Variants in PLEKHA7 observed in about 807,000 individuals in gnomAD.
PLEKHA7 encodes pleckstrin homology domain-containing family A member 7.
A neutral mutation model predicts 170.0 loss-of-function variants in PLEKHA7; 104 were observed. That is an observed-to-expected ratio of 0.61 (90% CI 0.52 to 0.72). PLEKHA7 has a LOEUF of 0.72. PLEKHA7 is among the 30% of genes least tolerant of loss of function. The pLI is 0.00. For missense variants in PLEKHA7, 1,615 were observed against 1,671.7 expected (o/e 0.97, Z 0.59); for synonymous variants, 648 against 660.8 (o/e 0.98, Z 0.30).
At chr11:16,901,354 A>C (rs1227346524) in intron 3 of PLEKHA7, among the ~76,000 whole-genome samples, 2 of 152,244 alleles carry the variant, frequency 1.3e-5, no homozygotes, top group African/African-American at 4.8e-5. Flanking sequence ...GTGCTAAATT[A>C]AATCCATTTT....
At chr11:16,913,339 C>T (rs374686271) in intron 3 of PLEKHA7, among the ~76,000 whole-genome samples, 4 of 152,266 alleles carry the variant, frequency 2.6e-5, no homozygotes, top group Non-Finnish European at 4.4e-5. Flanking sequence ...CTGCAGAGGG[C>T]GCGGGAGATG....
At chr11:16,988,744 C>T (rs1863876933) in intron 3 of PLEKHA7, among the ~76,000 whole-genome samples, 1 of 152,246 alleles carries the variant, frequency 6.6e-6, no homozygotes, top group Admixed American at 6.5e-5. Flanking sequence ...CCGCATCCAG[C>T]CCATCCCATG....
chr11:16,972,956 G>C (rs370870708), intron 3 of PLEKHA7, among the ~76,000 whole-genome samples: 12 of 152,198 alleles, frequency 7.9e-5, no homozygotes, highest in African/African-American at 2.2e-4. Context: ...GGCCTAGATG[G>C]TTTTATAGAA....
intron 23 of PLEKHA7, chr11:16,787,057 G>C (rs1849449119): frequency 1.0e-6 from 1 of 985,204 alleles, no homozygotes; most frequent in South Asian, 4.7e-5. Context: ...TGTTTCTAAG[G>C]CTGTTTCACA....
chr11:16,885,344 A>C (rs79297882), intron 3 of PLEKHA7, among the ~76,000 whole-genome samples: 3,850 of 151,670 alleles, frequency 0.025, 72 homozygotes, highest in African/African-American at 0.056. Context: ...AAAAAAAAAA[A>C]ATTCATATGT....
At chr11:16,928,934 A>G (rs962751408) in intron 3 of PLEKHA7, among the ~76,000 whole-genome samples, 1 of 152,216 alleles carries the variant, frequency 6.6e-6, no homozygotes, top group Admixed American at 6.5e-5. Context: ...AAAGACTACT[A>G]GAGGGATATT....
intron 3 of PLEKHA7, among the ~76,000 whole-genome samples, chr11:16,922,064 T>C (rs921575098): frequency 6.6e-6 from 1 of 152,182 alleles, no homozygotes; most frequent in African/African-American, 2.4e-5. Flanking sequence ...TCTTTGAATA[T>C]CTGGAGGCTG....
chr11:16,925,496 C>T (rs991793711), intron 3 of PLEKHA7, among the ~76,000 whole-genome samples: 1 of 152,180 alleles, frequency 6.6e-6, no homozygotes, highest in African/African-American at 2.4e-5. Flanking sequence ...AACCCGCAGA[C>T]CCCCCGAAAG....
intron 3 of PLEKHA7, among the ~76,000 whole-genome samples, chr11:16,877,299 T>A (rs902791693): frequency 6.6e-6 from 1 of 152,208 alleles, no homozygotes; most frequent in Admixed American, 6.5e-5. Flanking sequence ...GGATTCTGGA[T>A]AACCTAATAA....
At chr11:16,916,797 C>T (rs78959677) in intron 3 of PLEKHA7, among the ~76,000 whole-genome samples, 1,628 of 152,210 alleles carry the variant, frequency 0.011, 34 homozygotes, top group African/African-American at 0.037. Flanking sequence ...TTTTTTCCCA[C>T]CATAAAGGCT....
chr11:17,007,598 G>A (rs1236613321), intron 3 of PLEKHA7, among the ~76,000 whole-genome samples: 1 of 137,134 alleles, frequency 7.3e-6, no homozygotes, highest in Non-Finnish European at 1.5e-5. Context: ...TTTTGAGACA[G>A]AGTCTCATTC....
intron 3 of PLEKHA7, among the ~76,000 whole-genome samples, chr11:16,935,425 A>G (rs1860219234): frequency 6.6e-6 from 1 of 152,262 alleles, no homozygotes; most frequent in African/African-American, 2.4e-5. Flanking sequence ...CCGTCTCAAA[A>G]AAAAGATTAA....
intron 3 of PLEKHA7, among the ~76,000 whole-genome samples, chr11:16,884,783 T>C (rs1278674456): frequency 6.6e-6 from 1 of 152,248 alleles, no homozygotes; most frequent in Non-Finnish European, 1.5e-5. Context: ...TCCCTGCTGC[T>C]TCCCAGTGTT....
At chr11:16,961,503 G>A (rs1862057324) in intron 3 of PLEKHA7, among the ~76,000 whole-genome samples, 1 of 152,224 alleles carries the variant, frequency 6.6e-6, no homozygotes, top group Non-Finnish European at 1.5e-5. Context: ...GGCAACCGGA[G>A]AAGTGGCCCA....
intron 4 of PLEKHA7, among the ~76,000 whole-genome samples, chr11:16,859,302 T>C (rs1024253536): frequency 7.2e-5 from 11 of 152,238 alleles, no homozygotes; most frequent in Admixed American, 2.6e-4. Context: ...ACGTAGAACA[T>C]GATCTCTCAG....
In PLEKHA7 at chr11:16,791,361, G is replaced by T; in HGVS notation, c.2746-162C>A. ...GAGCACTCACACTTCCCCTGGCGGA[G>T]CAGTGAAGAAGGGACATGCTCTGCT... On this transcript the variant is annotated intron_variant, in intron 19 of 26. Coordinates refer to ENST00000531066, the MANE Select transcript of PLEKHA7 (RefSeq NM_001329630.2). This position sits in a 1 kb window ranked among gnomAD's most constrained non-coding sequence, Gnocchi z 4.5. 1 of 664,488 alleles carries T rather than the reference G, an allele frequency of 1.5e-6. No individual in the cohort carries two copies. Among genetic ancestry groups the T allele is most frequent in the Non-Finnish European group, 2.6e-6 (1 of 387,524 alleles). 41.2% of individuals were successfully genotyped at this position (664,488 alleles called of 1,614,324 possible). A position where few individuals can be genotyped will look rare whatever the true frequency, so the allele number is the denominator to read the frequency against.
rs753170827 is a variant in PLEKHA7 at position 16,794,911 on chromosome 11, C to G, written c.2517G>C (p.Pro839=). The G allele has an allele frequency of 9.3e-6, 15 of 1,607,976 alleles. No individual in the cohort carries two copies. Among genetic ancestry groups the G allele is most frequent in the Non-Finnish European group, 1.2e-5 (14 of 1,174,612 alleles). Reference sequence around the variant, plus strand: ...CATCCAGGAAGATGAACATCTCACCCGGATTTTTTACTGACTCCACTAGAA... The same window carrying G: ...CATCCAGGAAGATGAACATCTCACCGGGATTTTTTACTGACTCCACTAGAA... ...FRILVESVKN[P]ERKTVPLFPH... The change falls in exon 18 of 27, where the codon CCG becomes CCC. Residue 839 remains proline (P), a splice_region_variant and synonymous_variant. Coordinates refer to ENST00000531066, the MANE Select transcript of PLEKHA7 (RefSeq NM_001329630.2).
At chr11:16,906,031 G>A (rs1456282250) in intron 3 of PLEKHA7, among the ~76,000 whole-genome samples, 1 of 152,146 alleles carries the variant, frequency 6.6e-6, no homozygotes, top group Non-Finnish European at 1.5e-5. Context: ...GAGGGCAGGT[G>A]ACAGCCTAAC....
At chr11:16,919,140 G>A (rs889249037) in intron 3 of PLEKHA7, among the ~76,000 whole-genome samples, 2 of 152,172 alleles carry the variant, frequency 1.3e-5, no homozygotes, top group Non-Finnish European at 2.9e-5. Flanking sequence ...CTTGTACCTG[G>A]GAGGCGGAGG....
Sources: gnomAD v4.1 joint callset for allele counts (sites outside exome capture counted in the v4.1 genomes callset) on GRCh38, gnomAD v4.1.1 for gene constraint, Gnocchi (gnomAD v3.1) non-coding constraint, MANE v1.5 for transcripts, NCBI Gene and HGNC (gene_info 2026-07-23, HGNC 2026-07-21) for gene names.